NUP133: variants seen among roughly 807,000 people sequenced by gnomAD.
NUP133 encodes nuclear pore complex protein Nup133.
Under a neutral mutation model 146.2 loss-of-function variants are expected in NUP133, and 66 were observed. That is an observed-to-expected ratio of 0.45 (90% confidence interval 0.37 to 0.55). The LOEUF (loss-of-function observed/expected upper bound fraction) is 0.55, where lower values mean the gene tolerates loss of function less well. NUP133 is among the 20% of genes least tolerant of loss of function. NUP133 has a pLI of 0.00. For missense variants in NUP133, 1,277 were observed against 1,374.8 expected (o/e 0.93, Z 1.12); for synonymous variants, 521 against 498.8 (o/e 1.04, Z -0.59).
At chr1:229,507,829 T>C in intron 1 of NUP133, 1 of 781,646 alleles carries the variant, frequency 1.3e-6, no homozygotes, top group Non-Finnish European at 1.6e-6. Context: ...AAATCCAGTT[T>C]GTACTTCACT....
chr1:229,449,851 T>TATATATA (rs1660401047), intron 23 of NUP133, among the ~76,000 whole-genome samples: 3 of 67,638 alleles, frequency 4.4e-5, no homozygotes, highest in African/African-American at 2.1e-4. Context: ...TATGAAGATT[T>TATATATA]TATATATATA....
At chr1:229,506,878 G>T (rs1661956992) in intron 1 of NUP133, among the ~76,000 whole-genome samples, 1 of 150,880 alleles carries the variant, frequency 6.6e-6, no homozygotes, top group Non-Finnish European at 1.5e-5. Context: ...AATCGAACAG[G>T]TTACGAGCAT....
intron 12 of NUP133, among the ~76,000 whole-genome samples, chr1:229,478,992 TC>T (rs1176147049): frequency 2.0e-5 from 3 of 152,146 alleles, no homozygotes; most frequent in Non-Finnish European, 4.4e-5. Flanking sequence ...TGTACAGTAG[TC>T]CCCTCTTATT....
At chr1:229,485,986 G>C (rs1474123199) in intron 11 of NUP133, among the ~76,000 whole-genome samples, 1 of 152,058 alleles carries the variant, frequency 6.6e-6, no homozygotes, top group Admixed American at 6.6e-5. Flanking sequence ...AACATAAGGA[G>C]ATCCTGTCTC....
intron 8 of NUP133, among the ~76,000 whole-genome samples, chr1:229,491,777 C>CA (rs1209171042): frequency 1.3e-3 from 196 of 148,848 alleles, no homozygotes; most frequent in Middle Eastern, 6.9e-3. Flanking sequence ...GACTCTAACT[C>CA]AAAAAAAAAA....
At position 229,499,725 on chromosome 1, in the gene NUP133, A is replaced by G. The variant is rs772036371; in HGVS notation, c.607T>C (p.Ser203Pro). 1.2e-6 allele frequency: 2 copies of G among 1,614,122 alleles called. No individual in the cohort carries two copies. Among genetic ancestry groups the G allele is most frequent in the East Asian group, 4.5e-5 (2 of 44,886 alleles). ...EDTYTEAFVD[S>P]GGDKTYSFLT... ...AAACTGTAAGTCTTATCACCTCCCG[A>G]ATCTACAAAAGCCTCTGTGTAGGTA... Residue 203 changes from serine to proline, a missense_variant, in exon 5 of 26, where the codon TCG becomes CCG. Ser to Pro is a moderately conservative substitution (Grantham distance 74). Transcript: ENST00000261396.
intron 21 of NUP133, among the ~76,000 whole-genome samples, chr1:229,456,789 TTATGTA>T (rs1660577929): frequency 6.6e-6 from 1 of 152,020 alleles, no homozygotes; most frequent in Non-Finnish European, 1.5e-5. Context: ...ACACATTTTA[TTATGTA>T]TATCTATCTA....
In NUP133 at chr1:229,460,761, T is replaced by G. The variant is rs1660675101; in HGVS notation, c.2694A>C (p.Ser898=). ...CCAGATACCAACGGAAGAGAAAGTCTGAAAAATTCTACAAATAACAGAACA... is the reference window on the plus strand; with the variant it reads ...CCAGATACCAACGGAAGAGAAAGTCGGAAAAATTCTACAAATAACAGAACA... The part of the protein sequence containing the change: ...YMTQFADQNF[S]DFLFRWYLEK... The change falls in exon 20 of 26, where the codon TCA becomes TCC. Residue 898 remains serine, a synonymous_variant. Transcript: ENST00000261396. The G allele has an allele frequency of 6.2e-7, 1 of 1,609,018 alleles. No homozygotes were observed. Among genetic ancestry groups the G allele is most frequent in the Non-Finnish European group, 8.5e-7 (1 of 1,177,810 alleles).
intron 6 of NUP133, 83 bp downstream of exon 6, chr1:229,498,053 G>A (rs971508192): frequency 4.2e-5 from 41 of 981,146 alleles, no homozygotes; most frequent in Non-Finnish European, 4.9e-5. Context: ...TCCATATGGA[G>A]GAATACTAAA....
At chr1:229,499,619 C>A in intron 5 of NUP133, 65 bp downstream of exon 5, 1 of 1,533,174 alleles carries the variant, frequency 6.5e-7, no homozygotes, top group Admixed American at 2.0e-5. Context: ...AAAATAAAAA[C>A]AAAAATTTAT....
intron 8 of NUP133, among the ~76,000 whole-genome samples, chr1:229,491,811 C>T (rs1359192184): frequency 6.6e-6 from 1 of 152,070 alleles, no homozygotes; most frequent in Non-Finnish European, 1.5e-5. Context: ...GGCATAGTGG[C>T]TTATGTGTTT....
At chr1:229,502,841 C>T (rs911305123) in intron 2 of NUP133, among the ~76,000 whole-genome samples, 3 of 150,936 alleles carry the variant, frequency 2.0e-5, no homozygotes, top group African/African-American at 7.3e-5. Context: ...GTGCACTTCC[C>T]AGCTACTAGG....
chr1:229,449,869 ATATATTTTT>A (rs1455448151), intron 23 of NUP133, among the ~76,000 whole-genome samples: 1 of 102,452 alleles, frequency 9.8e-6, no homozygotes, highest in African/African-American at 4.5e-5. Flanking sequence ...ATATATATAT[ATATATTTTT>A]TTTTTTTTTT....
At chr1:229,456,150 G>A (rs1389785436) in intron 21 of NUP133, among the ~76,000 whole-genome samples, 1 of 152,190 alleles carries the variant, frequency 6.6e-6, no homozygotes, top group African/African-American at 2.4e-5. Flanking sequence ...CACACGTGAT[G>A]GTAGTACATT....
At chr1:229,462,422 T>C (rs1032862711) in intron 19 of NUP133, among the ~76,000 whole-genome samples, 2 of 152,238 alleles carry the variant, frequency 1.3e-5, no homozygotes, top group South Asian at 2.1e-4. Flanking sequence ...TTTTATCTTT[T>C]GTGTTTATAG....
chr1:229,495,037 C>T (rs904203348), intron 8 of NUP133, among the ~76,000 whole-genome samples: 2 of 152,090 alleles, frequency 1.3e-5, no homozygotes, highest in East Asian at 1.9e-4. Context: ...TAACATCACT[C>T]GATAAACAAG....
intron 15 of NUP133, among the ~76,000 whole-genome samples, chr1:229,467,882 G>A (rs1205607164): frequency 6.7e-6 from 1 of 148,362 alleles, no homozygotes; most frequent in African/African-American, 2.5e-5. Flanking sequence ...CAGAGATTGT[G>A]TCACTGCACT....
chr1:229,443,495 T>A (rs1660229900), intron 25 of NUP133, among the ~76,000 whole-genome samples: 1 of 152,192 alleles, frequency 6.6e-6, no homozygotes, highest in African/African-American at 2.4e-5. Context: ...AATTTAAATA[T>A]GTCTGCAGGA....
At chr1:229,449,876 T>TTATTTTA (rs1660406560) in intron 23 of NUP133, among the ~76,000 whole-genome samples, 2 of 93,444 alleles carry the variant, frequency 2.1e-5, no homozygotes, top group African/African-American at 9.3e-5. Flanking sequence ...TATATATATT[T>TTATTTTA]TTTTTTTTTT....
Sources: allele counts gnomAD v4.1 joint callset (sites outside exome capture counted in the v4.1 genomes callset), GRCh38; gene constraint gnomAD v4.1.1; transcripts MANE v1.5; gene names NCBI Gene and HGNC (gene_info 2026-07-23, HGNC 2026-07-21).